Variants in PHF8 observed in about 807,000 individuals in gnomAD.
The protein encoded by PHF8 is PHD finger protein 8, also known as histone lysine demethylase PHF8.
Under a neutral mutation model 74.4 loss-of-function variants are expected in PHF8, and 9 were observed. That is an observed-to-expected ratio of 0.12 (90% CI 0.07 to 0.21). The LOEUF is 0.21. PHF8 is among the 10% of genes least tolerant of loss of function. The pLI is 1.00. For missense variants in PHF8, 478 were observed against 816.6 expected, an observed-to-expected ratio of 0.59 and a Z score of 5.05; for synonymous variants, 311 against 316.6, an observed-to-expected ratio of 0.98 and a Z score of 0.19.
In PHF8 at chrX:53,944,238, C is replaced by T; in HGVS notation, c.2545G>A (p.Val849Met). ...DDAPWSPKAR[V>M]TPTLPKQDRP... ...TCCTGCTTCGGCAGAGTTGGGGTCA[C>T]GCGGGCTGCAAGGGAAACAGGATGA... The change falls in exon 20 of 22, where the codon GTG becomes ATG. Residue 849 changes from valine to methionine, a missense_variant. This residue lies in a region of PHF8 where 35 missense variants were observed against 78.8 expected (regional missense o/e 0.44). Transcript: ENST00000338154. 2 of 1,199,835 alleles carry T rather than the reference C, an allele frequency of 1.7e-6. No homozygotes were observed. Among genetic ancestry groups the T allele is most frequent in the Non-Finnish European group, 2.3e-6 (2 of 885,325 alleles).
At chrX:54,025,381 G>A (rs1340266997) in intron 2 of PHF8, among the ~76,000 whole-genome samples, 2 of 109,508 alleles carry the variant, frequency 1.8e-5, no homozygotes, top group African/African-American at 6.7e-5. Context: ...ACTCTCTGGT[G>A]AGACTTCCAG....
chrX:53,947,915 A>C (rs1186967465), intron 19 of PHF8, among the ~76,000 whole-genome samples: 1 of 111,796 alleles, frequency 8.9e-6, no homozygotes. Flanking sequence ...CAGGCATCAA[A>C]CATGTAAGTG....
Position 54,044,288 on chromosome X carries a change from C to T in PHF8, c.-619G>A. 1 of 755,105 alleles carries T rather than the reference C, an allele frequency of 1.3e-6. No individual in the cohort carries two copies. Among genetic ancestry groups the T allele is most frequent in the Non-Finnish European group, 1.6e-6 (1 of 639,457 alleles). 62.2% of individuals were successfully genotyped at this position (755,105 alleles called of 1,213,427 possible). A position where few individuals can be genotyped will look rare whatever the true frequency, so the allele number is the denominator to read the frequency against. On this transcript the variant is annotated 5_prime_UTR_variant, in exon 1 of 22. Transcript: ENST00000338154. ...GTCCGAGGCACACGGCCCGAAAAGT[C>T]GCTGGGAGAAGCCCAGTGGCGGTGG...
At chrX:54,010,616 A>G (rs782376539) in intron 8 of PHF8, among the ~76,000 whole-genome samples, 2 of 111,592 alleles carry the variant, frequency 1.8e-5, no homozygotes, top group South Asian at 7.6e-4. Flanking sequence ...GATACCCTGT[A>G]TTCATATAAG....
At chrX:54,005,920 T>C (rs782503371) in intron 8 of PHF8, among the ~76,000 whole-genome samples, 27 of 111,864 alleles carry the variant, frequency 2.4e-4, no homozygotes, top group Non-Finnish European at 4.7e-4. Flanking sequence ...GAAAACAGAA[T>C]AAACAGATGA....
At chrX:53,992,990 T>C in intron 13 of PHF8, 151 bp from the exon 14 acceptor site, 4 of 490,974 alleles carry the variant, frequency 8.1e-6, no homozygotes, top group Non-Finnish European at 1.5e-5. Flanking sequence ...CCCCCACTGA[T>C]CACAGGAGCA....
chrX:54,044,829 TGGC>T, upstream of PHF8: 1 of 1,082,899 alleles, frequency 9.2e-7, no homozygotes, highest in Non-Finnish European at 1.2e-6. Context: ...AATTAATAGG[TGGC>T]GGCGGGGGCG....
chrX:54,043,652 T>C, intron 1 of PHF8, 110 bp downstream of exon 1: 1 of 164,652 alleles, frequency 6.1e-6, no homozygotes, highest in Non-Finnish European at 9.8e-6. Flanking sequence ...AGCGTTTCCT[T>C]GCAGCCCCCC....
chrX:53,985,803 A>G lies in PHF8; in HGVS notation c.2129+13T>C. 1 of 1,211,714 alleles carries G rather than the reference A, an allele frequency of 8.3e-7. No individual in the cohort carries two copies. The highest frequency in any genetic ancestry group is 1.8e-5 in the South Asian group (1 of 56,973). On this transcript the variant is annotated intron_variant, in intron 17 of 21. Transcript: ENST00000338154. ...TGATAGCCTGGAAAGGGGAGATAAA[A>G]GCCAGTACTCACGTGAGGGCAGCAT... is the stretch of plus-strand genomic sequence containing the variant.
chrX:53,975,302 A>G (rs949781075), intron 18 of PHF8, among the ~76,000 whole-genome samples: 1 of 112,132 alleles, frequency 8.9e-6, no homozygotes, highest in Non-Finnish European at 1.9e-5. Flanking sequence ...TATCATAGAA[A>G]ACAGTATGGA....
At chrX:54,044,576 C>T (rs1308269039), upstream of PHF8, 1 of 206,570 alleles carries the variant, frequency 4.8e-6, no homozygotes, top group Admixed American at 9.2e-5. Context: ...TCTCAGCCAC[C>T]TTTGGACCCG....
At chrX:54,002,395 G>A in intron 9 of PHF8, 134 bp from the exon 10 acceptor site, 1 of 553,622 alleles carries the variant, frequency 1.8e-6, no homozygotes. Context: ...TTACACATTA[G>A]GAAACTTGGG....
At chrX:53,958,801 A>AT (rs2065057328) in intron 19 of PHF8, among the ~76,000 whole-genome samples, 1 of 105,210 alleles carries the variant, frequency 9.5e-6, no homozygotes, top group Non-Finnish European at 2.0e-5. Flanking sequence ...AAAAAAAAAA[A>AT]GCTGATAACA....
chrX:54,017,779 G>C lies in PHF8; in HGVS notation c.336C>G (p.Thr112=), dbSNP rs781824188. The change falls in exon 5 of 22, where the codon ACC becomes ACG. Residue 112 remains threonine (T), a synonymous_variant. Transcript: ENST00000338154. ...VILKPTGNQL[T]VEFLEENSFS... The stretch of plus-strand genomic sequence containing the variant: ...AGCTATTTTCTTCCAGGAATTCCAC[G>C]GTCAGTTGATTTCCAGTGGGCTTCA... 4.1e-6 allele frequency: 5 copies of C among 1,207,296 alleles called. No homozygotes were observed. Among genetic ancestry groups the C allele is most frequent in the Admixed American group, 4.4e-5 (2 of 45,694 alleles).
chrX:53,962,991 AG>A, intron 18 of PHF8, 52 bp from the exon 19 acceptor site: 1 of 756,814 alleles, frequency 1.3e-6, no homozygotes, highest in Non-Finnish European at 2.1e-6. Flanking sequence ...CAAAGGGTGA[AG>A]ATAGAATGAC....
chrX:54,038,364 T>C (rs2066497178), intron 2 of PHF8, among the ~76,000 whole-genome samples: 1 of 112,376 alleles, frequency 8.9e-6, no homozygotes. Flanking sequence ...AGTAATGATA[T>C]GTTAGTCCAT....
Position 53,938,634 on chromosome X carries a change from G to A in PHF8, c.*524C>T. The A allele has an allele frequency of 1.3e-6, 1 of 758,152 alleles. No individual in the cohort carries two copies. Among genetic ancestry groups the A allele is most frequent in the Non-Finnish European group, 1.6e-6 (1 of 641,834 alleles). The allele number at this position is 758,152 out of a possible 1,213,427, so 62.5% of individuals were successfully genotyped here. A position where few individuals can be genotyped will look rare whatever the true frequency, so the allele number is the denominator to read the frequency against. ...TTCCATGAAGCATTTGGCAAGAGGG[G>A]GCAGAGACCACAGCCTTCTCCCATG... On this transcript the variant is annotated 3_prime_UTR_variant, in exon 22 of 22. Coordinates refer to ENST00000338154, the MANE Select transcript of PHF8 (RefSeq NM_015107.3).
At chrX:53,975,946 T>A (rs782695603) in intron 18 of PHF8, among the ~76,000 whole-genome samples, 206 of 111,648 alleles carry the variant, frequency 1.8e-3, no homozygotes, top group African/African-American at 6.3e-3. Context: ...ATTGCATATA[T>A]GTATCAAAAT....
intron 19 of PHF8, among the ~76,000 whole-genome samples, chrX:53,950,438 T>C (rs1427326105): frequency 1.8e-5 from 2 of 112,904 alleles, no homozygotes; most frequent in African/African-American, 3.2e-5. Flanking sequence ...CACGCATTTC[T>C]GCAAATTATA....
Sources: allele counts gnomAD v4.1 joint callset (sites outside exome capture counted in the v4.1 genomes callset), GRCh38; gene constraint gnomAD v4.1.1; regional missense constraint gnomAD v4.1.1; transcripts MANE v1.5; gene names NCBI Gene and HGNC (gene_info 2026-07-23, HGNC 2026-07-21).